Variants in XCR1 observed in about 807,000 individuals in gnomAD.
The protein encoded by XCR1 is chemokine XC receptor 1.
For missense variants in XCR1, 356 were observed against 424.2 expected (o/e 0.84, Z 1.41); for synonymous variants, 187 against 188.5 (o/e 0.99, Z 0.06).
Position 46,035,432 on chromosome 3 carries a change from C to G in XCR1, c.-31-13454G>C, listed in dbSNP as rs114734923. Among the ~76,000 whole-genome samples the G allele has an allele frequency of 3.9e-3, 595 of 152,342 alleles. 5 individuals are homozygous for G. The highest frequency in any genetic ancestry group is 0.013 in the African/African-American group (552 of 41,568). ...AGTCATTGGTTTTCTGTGCCATGAG[C>G]AACGGGACCTAGACGAAACTCCTGG... is the stretch of plus-strand genomic sequence containing the variant. On this transcript the variant is annotated intron_variant, in intron 5 of 5. Transcript: ENST00000683768.
rs1205288950 is a variant in XCR1 at position 46,019,400 on chromosome 3, G to C, written c.*1546C>G. ...CCCTCAAGAAGCTTGCAGCCTGATG[G>C]GGCAGGGAGATAAGACATTGCATGT... On this transcript the variant is annotated 3_prime_UTR_variant, in exon 2 of 2. Transcript: ENST00000309285. 6.6e-6 allele frequency: 1 copy of C among 152,158 alleles called. No homozygotes were observed. Among genetic ancestry groups the C allele is most frequent in the Non-Finnish European group, 1.5e-5 (1 of 68,034 alleles). The allele number at this position is 152,158 out of a possible 1,614,324, so 9.4% of individuals were successfully genotyped here. A position where few individuals can be genotyped will look rare whatever the true frequency, so the allele number is the denominator to read the frequency against.
intron 4 of XCR1, among the ~76,000 whole-genome samples, chr3:46,060,819 A>G (rs139902032): frequency 2.0e-5 from 3 of 152,286 alleles, no homozygotes; most frequent in East Asian, 3.9e-4. Context: ...CCCCAGTACT[A>G]CAAGATATTG....
chr3:46,059,468 G>A (rs1575431561), intron 4 of XCR1, among the ~76,000 whole-genome samples: 1 of 152,116 alleles, frequency 6.6e-6, no homozygotes, highest in East Asian at 1.9e-4. Context: ...ATTATTTATA[G>A]ACAGTCTCAG....
chr3:46,030,146 C>T (rs1366662649), upstream of XCR1, among the ~76,000 whole-genome samples: 4 of 151,728 alleles, frequency 2.6e-5, no homozygotes, highest in African/African-American at 9.7e-5. Context: ...CCTTTCCAAT[C>T]TGGGTACTTT....
intron 5 of XCR1, among the ~76,000 whole-genome samples, chr3:46,039,078 G>C (rs546508735): frequency 6.6e-6 from 1 of 151,710 alleles, no homozygotes; most frequent in Non-Finnish European, 1.5e-5. Context: ...ATATGTGCAA[G>C]TGTTTCACTG....
intron 5 of XCR1, among the ~76,000 whole-genome samples, chr3:46,044,143 G>A (rs527708927): frequency 1.1e-4 from 16 of 152,174 alleles, no homozygotes; most frequent in African/African-American, 2.9e-4. Flanking sequence ...TTATAGGTGT[G>A]AGCCACCACA....
chr3:46,035,066 C>T (rs1020550874), intron 5 of XCR1, among the ~76,000 whole-genome samples: 7 of 151,948 alleles, frequency 4.6e-5, no homozygotes, highest in South Asian at 2.1e-4. Flanking sequence ...GTGATTCTCC[C>T]GCCTCAGCCT....
intron 1 of XCR1, among the ~76,000 whole-genome samples, chr3:46,077,349 C>G (rs1383623233): frequency 6.6e-6 from 1 of 151,764 alleles, no homozygotes; most frequent in Non-Finnish European, 1.5e-5. Flanking sequence ...ACTGTGCATG[C>G]GAGGGACCTA....
At chr3:46,047,738 G>GATGC (rs1330102824) in intron 5 of XCR1, among the ~76,000 whole-genome samples, 2 of 152,222 alleles carry the variant, frequency 1.3e-5, no homozygotes, top group African/African-American at 2.4e-5. Context: ...ACTGGGATTG[G>GATGC]ATGCCAGTGT....
At chr3:46,078,810 T>TTGCAGAGTTTGCAGAGTCTC (rs1698305994) in intron 1 of XCR1, among the ~76,000 whole-genome samples, 1 of 152,168 alleles carries the variant, frequency 6.6e-6, no homozygotes. Context: ...ACTGGAGACT[T>TTGCAGAGTTTGCAGAGTCTC]TGCAGAGTTT....
At chr3:46,050,852 A>G (rs1697727866) in intron 5 of XCR1, among the ~76,000 whole-genome samples, 1 of 152,212 alleles carries the variant, frequency 6.6e-6, no homozygotes, top group Admixed American at 6.5e-5. Flanking sequence ...CCTTGCTGTA[A>G]TGCGCCCATC....
At position 46,018,879 on chromosome 3, in the gene XCR1, C is replaced by T. The variant is rs73833522; in HGVS notation, c.*2067G>A. 1 of 152,294 alleles carries T rather than the reference C, an allele frequency of 6.6e-6. No individual in the cohort carries two copies. Among genetic ancestry groups the T allele is most frequent in the African/African-American group, 2.4e-5 (1 of 41,558 alleles). The allele number at this position is 152,294 out of a possible 1,614,324, so 9.4% of individuals were successfully genotyped here. On this transcript the variant is annotated 3_prime_UTR_variant, in exon 2 of 2. Coordinates refer to ENST00000309285, the MANE Select transcript of XCR1 (RefSeq NM_001024644.2). ...TCAAGGGACTGTAGAAGACTCTGGACTCCTCATTTTTTAAAAAAGTTGCAG... is the reference window on the plus strand; with the variant it reads ...TCAAGGGACTGTAGAAGACTCTGGATTCCTCATTTTTTAAAAAAGTTGCAG...
chr3:46,021,118 AAGGCG>A lies in XCR1; in HGVS notation c.825_829del (p.Ala276LeufsTer6). 1 of 1,614,232 alleles carries A rather than the reference AAGGCG, an allele frequency of 6.2e-7. No homozygotes were observed. Among genetic ancestry groups the A allele is most frequent in the Non-Finnish European group, 8.5e-7 (1 of 1,180,030 alleles). ...CACCGGGTTAAAGCAGCAGTGGGAG[AAGGCG>A]AGGTTGCGGCAGATGAGCAGGGCGT... On this transcript the variant is annotated frameshift_variant, in exon 2 of 2. Coordinates refer to ENST00000309285, the MANE Select transcript of XCR1 (RefSeq NM_001024644.2). LOFTEE classifies it low-confidence loss of function (END_TRUNC). This position sits in a 1 kb window ranked among gnomAD's most constrained non-coding sequence, Gnocchi z 4.7.
At chr3:46,083,154 G>T (rs1406225772) in intron 1 of XCR1, among the ~76,000 whole-genome samples, 2 of 152,178 alleles carry the variant, frequency 1.3e-5, no homozygotes, top group Admixed American at 6.5e-5. Flanking sequence ...CCATGATGTT[G>T]TTAGAAAATC....
intron 5 of XCR1, among the ~76,000 whole-genome samples, chr3:46,048,032 A>G (rs1005396918): frequency 2.6e-5 from 4 of 152,228 alleles, no homozygotes; most frequent in African/African-American, 9.6e-5. Context: ...TAATAAGTAC[A>G]TGATTTTACC....
rs1363740253 is a variant in XCR1 at position 46,018,851 on chromosome 3, T to C, written c.*2095A>G. The C allele has an allele frequency of 3.3e-5, 5 of 152,206 alleles. No individual in the cohort carries two copies. The highest frequency in any genetic ancestry group is 1.2e-4 in the African/African-American group (5 of 41,452). The allele number at this position is 152,206 out of a possible 1,614,324, so 9.4% of individuals were successfully genotyped here. ...TGAGTGTCTTCTGTGTGCAAATCCC[T>C]GCTCAAGGGACTGTAGAAGACTCTG... On this transcript the variant is annotated 3_prime_UTR_variant, in exon 2 of 2. Transcript: ENST00000309285.
intron 4 of XCR1, among the ~76,000 whole-genome samples, chr3:46,061,158 G>T (rs1003884848): frequency 6.6e-6 from 1 of 152,212 alleles, no homozygotes; most frequent in Non-Finnish European, 1.5e-5. Flanking sequence ...TCCAGAGTAA[G>T]TGTCTATTCC....
At chr3:46,026,383 G>T (rs1007055966) in intron 1 of XCR1, among the ~76,000 whole-genome samples, 3 of 151,912 alleles carry the variant, frequency 2.0e-5, no homozygotes, top group Non-Finnish European at 4.4e-5. Flanking sequence ...CAACTCTAAG[G>T]GAGTGAATTT....
Position 46,021,413 on chromosome 3 carries a change from C to A in XCR1, c.535G>T (p.Glu179Ter). 1 of 1,614,046 alleles carries A rather than the reference C, an allele frequency of 6.2e-7. No individual in the cohort carries two copies. The change falls in exon 2 of 2, where the codon GAA becomes TAA. Residue 179 changes from glutamate to a stop codon, truncating the protein, a stop_gained. Transcript: ENST00000309285. LOFTEE classifies it low-confidence loss of function (END_TRUNC). The surrounding 1 kb of genome is among the most constrained non-coding windows in gnomAD (Gnocchi z 4.7). ...ACGGAGGTGAGGTACCACGTGAGTTCGGAATAATCACAGCCCGAAGAAAGC... is the reference window on the plus strand; with the variant it reads ...ACGGAGGTGAGGTACCACGTGAGTTAGGAATAATCACAGCCCGAAGAAAGC... ...KVLSSGCDYS[E>*]LTWYLTSVYQ...
Sources: allele counts gnomAD v4.1 joint callset (sites outside exome capture counted in the v4.1 genomes callset), GRCh38; gene constraint gnomAD v4.1.1; non-coding constraint Gnocchi (gnomAD v3.1); transcripts MANE v1.5; gene names NCBI Gene and HGNC (gene_info 2026-07-23, HGNC 2026-07-21).